ANKRD55: variants seen among roughly 807,000 people sequenced by gnomAD.
ANKRD55 encodes the protein ankyrin repeat domain 55.
ANKRD55 carries 41 observed loss-of-function variants against 60.6 expected under a neutral mutation model. That is an observed-to-expected ratio of 0.68 (90% CI 0.53 to 0.88). The LOEUF (loss-of-function observed/expected upper bound fraction) is 0.88. Among genes scored for constraint, ANKRD55 ranks in the 40% least tolerant of loss-of-function variants. ANKRD55 has a pLI of 0.00. For synonymous variants in ANKRD55, 264 were observed against 290.3 expected, an observed-to-expected ratio of 0.91 and a Z score of 0.92; for missense variants, 732 against 767.6, an observed-to-expected ratio of 0.95 and a Z score of 0.55.
chr5:56,216,397 A>G (rs1759810308), intron 2 of ANKRD55, among the ~76,000 whole-genome samples: 1 of 152,166 alleles, frequency 6.6e-6, no homozygotes, highest in African/African-American at 2.4e-5. Flanking sequence ...TAACCCTACA[A>G]TGGTCTTTGA....
intron 2 of ANKRD55, among the ~76,000 whole-genome samples, chr5:56,220,673 C>T (rs1278139905): frequency 6.6e-6 from 1 of 152,056 alleles, no homozygotes; most frequent in Non-Finnish European, 1.5e-5. Flanking sequence ...ATTAGATGGT[C>T]ATGATGGTGG....
chr5:56,115,054 G>C (rs1272310271), intron 9 of ANKRD55, among the ~76,000 whole-genome samples: 1 of 151,776 alleles, frequency 6.6e-6, no homozygotes, highest in Non-Finnish European at 1.5e-5. Context: ...AGAAAACCCA[G>C]CTGGGCATGG....
At chr5:56,112,520 A>ACAAAAAAAAAAAAACAAAAAAAAC in intron 9 of ANKRD55, among the ~76,000 whole-genome samples, 1 of 150,736 alleles carries the variant, frequency 6.6e-6, no homozygotes, top group East Asian at 1.9e-4. Flanking sequence ...AAAAAAAAAA[A>ACAAAAAAAAAAAAACAAAAAAAAC]AACAACCAAG....
intron 2 of ANKRD55, among the ~76,000 whole-genome samples, chr5:56,224,144 A>G (rs1004382315): frequency 4.2e-4 from 64 of 152,226 alleles, no homozygotes; most frequent in Non-Finnish European, 8.8e-5. Flanking sequence ...TGTCTCTCAG[A>G]CCACAGTGCA....
intron 7 of ANKRD55, among the ~76,000 whole-genome samples, chr5:56,128,107 G>C (rs1757322991): frequency 6.6e-6 from 1 of 152,136 alleles, no homozygotes; most frequent in African/African-American, 2.4e-5. Context: ...ATACATTTTA[G>C]ATAGTCAAGA....
intron 4 of ANKRD55, among the ~76,000 whole-genome samples, chr5:56,171,332 C>T (rs1176991031): frequency 6.6e-6 from 1 of 152,154 alleles, no homozygotes; most frequent in Non-Finnish European, 1.5e-5. Flanking sequence ...AAAGGTTTCC[C>T]ATTGCTATGT....
At chr5:56,112,664 G>A (rs1356490580) in intron 9 of ANKRD55, among the ~76,000 whole-genome samples, 2 of 152,246 alleles carry the variant, frequency 1.3e-5, no homozygotes, top group East Asian at 1.9e-4. Context: ...AGCAGTTGTC[G>A]AGAGGTTCCC....
chr5:56,210,581 A>G (rs1759647511), intron 2 of ANKRD55, among the ~76,000 whole-genome samples: 1 of 151,534 alleles, frequency 6.6e-6, no homozygotes, highest in Non-Finnish European at 1.5e-5. Flanking sequence ...AAAAAAAAAA[A>G]AAAAGAAAGT....
chr5:56,219,289 A>G (rs1040344629), intron 2 of ANKRD55, among the ~76,000 whole-genome samples: 2 of 145,960 alleles, frequency 1.4e-5, no homozygotes, highest in Admixed American at 6.7e-5. Flanking sequence ...AAAAAAAAAA[A>G]AAAGAAAAAT....
chr5:56,143,565 A>G (rs1321188879), intron 7 of ANKRD55, among the ~76,000 whole-genome samples: 1 of 152,186 alleles, frequency 6.6e-6, no homozygotes, highest in Non-Finnish European at 1.5e-5. Flanking sequence ...AGATGGAGAG[A>G]GAAACAGAGA....
At position 56,145,265 on chromosome 5, in the gene ANKRD55, C is replaced by T. The variant is rs142232515; in HGVS notation, c.484-1336G>A. Among the ~76,000 whole-genome samples the T allele has an allele frequency of 1.6e-3, 238 of 152,322 alleles. 1 individual carries two copies. The highest frequency in any genetic ancestry group is 5.4e-3 in the African/African-American group (225 of 41,568). ...TAGGGCACACAGTCAAACTACATTCCCCAGCCTCCTTGCAGATAGGTGCAG... is the reference window on the plus strand; with the variant it reads ...TAGGGCACACAGTCAAACTACATTCTCCAGCCTCCTTGCAGATAGGTGCAG... On this transcript the variant is annotated intron_variant, in intron 6 of 11. Transcript: ENST00000341048.
intron 2 of ANKRD55, among the ~76,000 whole-genome samples, chr5:56,190,907 G>GTACAA (rs760133447): frequency 1.3e-5 from 2 of 152,186 alleles, no homozygotes; most frequent in Non-Finnish European, 2.9e-5. Context: ...CTTAATACTG[G>GTACAA]TACAATGACA....
At chr5:56,212,260 T>C (rs1385312598) in intron 2 of ANKRD55, among the ~76,000 whole-genome samples, 2 of 152,154 alleles carry the variant, frequency 1.3e-5, no homozygotes, top group African/African-American at 4.8e-5. Context: ...TAATAAAATA[T>C]GTCATACCAA....
chr5:56,233,155 TG>T, intron 1 of ANKRD55, 85 bp downstream of exon 1: 1 of 531,174 alleles, frequency 1.9e-6, no homozygotes, highest in Non-Finnish European at 3.4e-6. Context: ...CAGCTGTACA[TG>T]GGCATAATAC....
intron 2 of ANKRD55, among the ~76,000 whole-genome samples, chr5:56,221,640 C>T (rs1759969142): frequency 6.6e-6 from 1 of 152,240 alleles, no homozygotes; most frequent in African/African-American, 2.4e-5. Context: ...TTGGGTTACT[C>T]ACACCCTAAT....
At chr5:56,158,180 A>T (rs1758243523) in intron 6 of ANKRD55, among the ~76,000 whole-genome samples, 2 of 144,704 alleles carry the variant, frequency 1.4e-5, no homozygotes, top group Admixed American at 7.0e-5. Context: ...GAATCTGTCT[A>T]TTTAAAAAAA....
At chr5:56,224,890 A>T (rs1760066955) in intron 2 of ANKRD55, among the ~76,000 whole-genome samples, 1 of 152,220 alleles carries the variant, frequency 6.6e-6, no homozygotes. Flanking sequence ...TCACAGCCGA[A>T]TTCTACCAGA....
intron 6 of ANKRD55, among the ~76,000 whole-genome samples, chr5:56,155,849 CAA>C (rs11338877): frequency 2.0e-3 from 255 of 125,326 alleles, no homozygotes; most frequent in East Asian, 4.1e-3. Context: ...GACCCTGCCT[CAA>C]AAAAAAAAAA....
chr5:56,121,374 C>CT (rs35793814), intron 8 of ANKRD55, among the ~76,000 whole-genome samples: 28,465 of 130,578 alleles, frequency 0.22, 4,038 homozygotes, highest in East Asian at 0.4. Context: ...TGTTCCACCA[C>CT]TTTTTTTTTT....
Sources: gnomAD v4.1 joint callset for allele counts (sites outside exome capture counted in the v4.1 genomes callset) on GRCh38, gnomAD v4.1.1 for gene constraint, MANE v1.5 for transcripts, NCBI Gene and HGNC (gene_info 2026-07-23, HGNC 2026-07-21) for gene names.